WWTR1: variants seen among roughly 807,000 people sequenced by gnomAD.
WWTR1 encodes WW domain-containing transcription regulator protein 1.
In WWTR1, 13 loss-of-function variants were observed where a neutral mutation model predicts 40.1. That is an observed-to-expected ratio of 0.32 (90% CI 0.21 to 0.52). The LOEUF (loss-of-function observed/expected upper bound fraction) is 0.52. Among genes scored for constraint, WWTR1 ranks in the 20% least tolerant of loss-of-function variants. The pLI is 0.97. For missense variants in WWTR1, 436 were observed against 523.1 expected, an observed-to-expected ratio of 0.83 and a Z score of 1.63; for synonymous variants, 230 against 210.1, an observed-to-expected ratio of 1.09 and a Z score of -0.82.
At chr3:149,528,112 GTATTC>G in intron 4 of WWTR1, 143 bp from the exon 5 acceptor site, 1 of 1,074,578 alleles carries the variant, frequency 9.3e-7, no homozygotes, top group Non-Finnish European at 1.3e-6. Context: ...GCAACCATTA[GTATTC>G]TTTCTCCGAA....
intron 1 of WWTR1, among the ~76,000 whole-genome samples, chr3:149,676,253 G>A (rs915477582): frequency 1.9e-4 from 13 of 68,368 alleles, no homozygotes; most frequent in African/African-American, 8.1e-4. Context: ...TCCCCAAAAA[G>A]AGAAGGGAAA....
At chr3:149,718,190 GT>G (rs1006857414) in intron 4 of WWTR1, among the ~76,000 whole-genome samples, 1 of 152,036 alleles carries the variant, frequency 6.6e-6, no homozygotes, top group Non-Finnish European at 1.5e-5. Flanking sequence ...TCTTCTCATT[GT>G]GACCTTACGT....
At chr3:149,653,911 G>A (rs537091191) in intron 2 of WWTR1, among the ~76,000 whole-genome samples, 1 of 152,204 alleles carries the variant, frequency 6.6e-6, no homozygotes, top group African/African-American at 2.4e-5. Context: ...ATTGACCCTT[G>A]TCATTCTAAA....
intron 1 of WWTR1, among the ~76,000 whole-genome samples, chr3:149,677,355 G>A (rs759172647): frequency 2.0e-5 from 3 of 152,180 alleles, no homozygotes; most frequent in Non-Finnish European, 4.4e-5. Context: ...GCTCTGGCAC[G>A]TAATATTAAA....
At position 149,527,890 on chromosome 3, in the gene WWTR1, A is replaced by G. The variant is rs1453914269; in HGVS notation, c.851T>C (p.Met284Thr). The G allele has an allele frequency of 1.2e-6, 2 of 1,614,168 alleles. No individual in the cohort carries two copies. Among genetic ancestry groups the G allele is most frequent in the African/African-American group, 2.7e-5 (2 of 75,044 alleles). ...PVQAAVNPPTMTPDMRSITNN... is the reference protein window; with the variant it reads ...PVQAAVNPPTTTPDMRSITNN... ...AGTGATGGATCTCATGTCTGGGGTC[A>G]TCGTGGGTGGGTTGACAGCAGCCTG... Residue 284 changes from methionine to threonine, a missense_variant, in exon 5 of 7, where the codon ATG (methionine) becomes ACG (threonine). Coordinates refer to ENST00000360632, the MANE Select transcript of WWTR1 (RefSeq NM_015472.6).
rs558187387 is a variant in WWTR1 at position 149,644,016 on chromosome 3, T to C, written c.431+12860A>G. The stretch of plus-strand genomic sequence containing the variant: ...AACCACACCAGGATTTGAATAATTA[T>C]ACACATTCCACTACACCCCATTTTC... On this transcript the variant is annotated intron_variant, in intron 2 of 6. Transcript: ENST00000360632. 2.6e-5 allele frequency among the ~76,000 whole-genome samples: 4 copies of C among 152,286 alleles called. No individual in the cohort carries two copies. The East Asian group carries it at 7.7e-4, about 29-fold the overall frequency.
At chr3:149,681,021 T>C (rs902067889) in intron 1 of WWTR1, among the ~76,000 whole-genome samples, 2 of 152,222 alleles carry the variant, frequency 1.3e-5, no homozygotes, top group African/African-American at 2.4e-5. Context: ...CTGTAGTACC[T>C]TGTACATACA....
chr3:149,680,468 C>A (rs1310500383), intron 1 of WWTR1, among the ~76,000 whole-genome samples: 2 of 152,062 alleles, frequency 1.3e-5, no homozygotes, highest in Non-Finnish European at 2.9e-5. Context: ...TGCTTGAACC[C>A]AGGAGGCGGA....
At chr3:149,663,633 C>T (rs1474439177) in intron 2 of WWTR1, among the ~76,000 whole-genome samples, 11 of 151,994 alleles carry the variant, frequency 7.2e-5, no homozygotes, top group Non-Finnish European at 2.9e-5. Context: ...GAGGCGGAGG[C>T]TGCAGTGAGC....
intron 2 of WWTR1, among the ~76,000 whole-genome samples, chr3:149,574,130 A>C (rs1396227720): frequency 1.3e-5 from 2 of 151,988 alleles, no homozygotes; most frequent in Non-Finnish European, 2.9e-5. Context: ...TCCTGGGCTG[A>C]AGCAATCTTC....
chr3:149,596,768 T>C (rs943955375), intron 2 of WWTR1, among the ~76,000 whole-genome samples: 5 of 152,246 alleles, frequency 3.3e-5, no homozygotes, highest in African/African-American at 1.2e-4. Context: ...TTGGATAAGC[T>C]ACTGTGCTTC....
chr3:149,703,252 TG>T (rs1436158694), exon 1 of WWTR1: 1 of 152,342 alleles, frequency 6.6e-6, no homozygotes, highest in Admixed American at 6.5e-5. Context: ...TGGGAGTCTC[TG>T]GTGTTGTAGA....
At chr3:149,642,856 G>A (rs1385624072) in intron 2 of WWTR1, among the ~76,000 whole-genome samples, 1 of 151,244 alleles carries the variant, frequency 6.6e-6, no homozygotes. Flanking sequence ...CTAAAACAAA[G>A]ACCCAAAAAG....
chr3:149,593,446 T>C (rs184991223), intron 2 of WWTR1, among the ~76,000 whole-genome samples: 1 of 152,268 alleles, frequency 6.6e-6, no homozygotes, highest in East Asian at 1.9e-4. Flanking sequence ...CCAGGAGATT[T>C]CAGAAATATT....
chr3:149,524,112 A>G (rs1171170109), intron 6 of WWTR1, among the ~76,000 whole-genome samples: 1 of 152,186 alleles, frequency 6.6e-6, no homozygotes, highest in East Asian at 1.9e-4. Flanking sequence ...TTTATGGGTG[A>G]GAAATCTGAG....
intron 2 of WWTR1, among the ~76,000 whole-genome samples, chr3:149,627,295 C>T (rs1199737769): frequency 1.3e-5 from 2 of 152,164 alleles, no homozygotes; most frequent in Non-Finnish European, 2.9e-5. Flanking sequence ...GACCACAATC[C>T]TAATTTCCTT....
At chr3:149,614,380 C>T (rs1739872760) in intron 2 of WWTR1, among the ~76,000 whole-genome samples, 1 of 152,192 alleles carries the variant, frequency 6.6e-6, no homozygotes, top group African/African-American at 2.4e-5. Context: ...AGTACAGTAA[C>T]ATACTGTACA....
intron 2 of WWTR1, among the ~76,000 whole-genome samples, chr3:149,647,944 C>G (rs1440333781): frequency 6.6e-6 from 1 of 152,186 alleles, no homozygotes; most frequent in East Asian, 1.9e-4. Context: ...CATCTACCAA[C>G]CAACACCTAT....
At chr3:149,708,190 C>T (rs1490419391), upstream of WWTR1, among the ~76,000 whole-genome samples, 1 of 152,120 alleles carries the variant, frequency 6.6e-6, no homozygotes, top group African/African-American at 2.4e-5. Context: ...CCCAAACTCT[C>T]TATTTCTCTC....
Sources: allele counts gnomAD v4.1 joint callset (sites outside exome capture counted in the v4.1 genomes callset), GRCh38; gene constraint gnomAD v4.1.1; transcripts MANE v1.5; gene names NCBI Gene and HGNC (gene_info 2026-07-23, HGNC 2026-07-21).